Variants in DENND5B observed in about 807,000 individuals in gnomAD.
The protein encoded by DENND5B is DENN domain-containing protein 5B.
In DENND5B, 34 loss-of-function variants were observed where a neutral mutation model predicts 140.6. The observed-to-expected ratio is 0.24, with a 90% confidence interval of 0.18 to 0.32. The LOEUF is 0.32. DENND5B is among the 10% of genes least tolerant of loss of function. The pLI is 1.00. For missense variants in DENND5B, 1,142 were observed against 1,560.2 expected (o/e 0.73, Z 4.52); for synonymous variants, 551 against 562.1 (o/e 0.98, Z 0.28).
chr12:31,502,316 A>C (rs1947039813), intron 1 of DENND5B, among the ~76,000 whole-genome samples: 1 of 114,166 alleles, frequency 8.8e-6, no homozygotes, highest in Non-Finnish European at 2.2e-5. Flanking sequence ...CTGTCTCAAA[A>C]ACAAAAACAA....
intron 1 of DENND5B, among the ~76,000 whole-genome samples, chr12:31,524,843 C>T (rs1948030526): frequency 6.6e-6 from 1 of 152,172 alleles, no homozygotes; most frequent in Non-Finnish European, 1.5e-5. Flanking sequence ...GAGAGCCCTA[C>T]TCTCTTTTAC....
intron 1 of DENND5B, among the ~76,000 whole-genome samples, chr12:31,566,073 A>T (rs1949615353): frequency 6.6e-6 from 1 of 152,214 alleles, no homozygotes; most frequent in African/African-American, 2.4e-5. Context: ...TGAACCCAGA[A>T]GGTGGAGATG....
At chr12:31,412,860 CT>C (rs577034485) in intron 13 of DENND5B, among the ~76,000 whole-genome samples, 76 of 152,202 alleles carry the variant, frequency 5.0e-4, no homozygotes, top group Admixed American at 2.6e-3. Context: ...TTCATCCGAT[CT>C]TTTGGATGTT....
At chr12:31,526,470 C>T (rs1390305657) in intron 1 of DENND5B, among the ~76,000 whole-genome samples, 1 of 152,166 alleles carries the variant, frequency 6.6e-6, no homozygotes, top group Non-Finnish European at 1.5e-5. Flanking sequence ...TATTCTAGTG[C>T]TCCTAAGTTT....
intron 1 of DENND5B, among the ~76,000 whole-genome samples, chr12:31,573,935 T>C (rs1677154): frequency 0.8 from 119,640 of 150,400 alleles, 48,011 homozygotes; most frequent in African/African-American, 0.89. Context: ...CTGTGCTCCA[T>C]TCTGGGCAAC....
chr12:31,561,265 C>T (rs1465474399), intron 1 of DENND5B, among the ~76,000 whole-genome samples: 2 of 152,170 alleles, frequency 1.3e-5, no homozygotes, highest in South Asian at 2.1e-4. Flanking sequence ...ATCCACATAT[C>T]GCAAAAGAGA....
At chr12:31,510,677 C>T (rs1947376724) in intron 1 of DENND5B, among the ~76,000 whole-genome samples, 1 of 152,158 alleles carries the variant, frequency 6.6e-6, no homozygotes. Flanking sequence ...AATTTCTTCT[C>T]TCTTCTGCAG....
intron 10 of DENND5B, among the ~76,000 whole-genome samples, chr12:31,424,117 A>G (rs1358002689): frequency 6.6e-6 from 1 of 152,206 alleles, no homozygotes; most frequent in Admixed American, 6.5e-5. Flanking sequence ...GAAAGAGAAA[A>G]AGGGAAGAAG....
At chr12:31,468,815 AAACC>A (rs1330331843) in intron 3 of DENND5B, among the ~76,000 whole-genome samples, 2 of 102,966 alleles carry the variant, frequency 1.9e-5, no homozygotes, top group East Asian at 6.3e-4. Flanking sequence ...CTGTCTCAAA[AAACC>A]AAACAAACAA....
At chr12:31,412,230 G>A (rs1040201285) in intron 13 of DENND5B, among the ~76,000 whole-genome samples, 2 of 152,206 alleles carry the variant, frequency 1.3e-5, no homozygotes, top group African/African-American at 2.4e-5. Flanking sequence ...TTACAGGTGT[G>A]AGCCACTGCA....
intron 14 of DENND5B, among the ~76,000 whole-genome samples, chr12:31,404,285 A>G (rs538233199): frequency 6.0e-4 from 91 of 152,144 alleles, no homozygotes; most frequent in Non-Finnish European, 9.7e-4. Context: ...ACAGCCATAC[A>G]TTTCTGGTTT....
At chr12:31,402,184 G>A (rs149981202) in intron 15 of DENND5B, among the ~76,000 whole-genome samples, 77 of 152,074 alleles carry the variant, frequency 5.1e-4, no homozygotes, top group African/African-American at 1.5e-3. Flanking sequence ...GAACCACCGC[G>A]GGGAAAACAT....
chr12:31,575,970 CAGAA>C (rs1006951043), intron 1 of DENND5B, among the ~76,000 whole-genome samples: 3 of 148,108 alleles, frequency 2.0e-5, no homozygotes, highest in South Asian at 2.2e-4. Flanking sequence ...TCTCAAAAAA[CAGAA>C]AGAAAGAAAG....
chr12:31,519,989 T>C (rs1189826884), intron 1 of DENND5B, among the ~76,000 whole-genome samples: 1 of 152,178 alleles, frequency 6.6e-6, no homozygotes, highest in African/African-American at 2.4e-5. Flanking sequence ...CTAGGTGTGT[T>C]TGCTACCTGT....
intron 2 of DENND5B, among the ~76,000 whole-genome samples, chr12:31,489,206 G>T (rs1357377207): frequency 6.6e-6 from 1 of 152,084 alleles, no homozygotes; most frequent in Non-Finnish European, 1.5e-5. Flanking sequence ...CTAGGTCTGT[G>T]TATGTGTATA....
intron 1 of DENND5B, among the ~76,000 whole-genome samples, chr12:31,580,052 G>C (rs932546085): frequency 1.3e-5 from 2 of 151,868 alleles, no homozygotes; most frequent in African/African-American, 2.4e-5. Context: ...GCTGATGTAG[G>C]TGCCATGAAG....
At chr12:31,570,217 C>A (rs1403710387) in intron 1 of DENND5B, among the ~76,000 whole-genome samples, 1 of 151,404 alleles carries the variant, frequency 6.6e-6, no homozygotes, top group Non-Finnish European at 1.5e-5. Context: ...AACAAAAAAA[C>A]CAAGAGAAAA....
intron 2 of DENND5B, among the ~76,000 whole-genome samples, chr12:31,485,711 A>G (rs992605167): frequency 1.4e-5 from 2 of 138,822 alleles, no homozygotes; most frequent in African/African-American, 5.2e-5. Context: ...AGCAGAGGCT[A>G]AAAAAGGCAA....
intron 14 of DENND5B, among the ~76,000 whole-genome samples, chr12:31,404,342 T>C (rs1941998866): frequency 6.6e-6 from 1 of 152,188 alleles, no homozygotes; most frequent in Non-Finnish European, 1.5e-5. Flanking sequence ...TGTCGCCCAG[T>C]CTGAAGTGCA....
Sources: gnomAD v4.1 joint callset for allele counts (sites outside exome capture counted in the v4.1 genomes callset) on GRCh38, gnomAD v4.1.1 for gene constraint, MANE v1.5 for transcripts, NCBI Gene and HGNC (gene_info 2026-07-23, HGNC 2026-07-21) for gene names.